ARHGEF7: variants seen among roughly 807,000 people sequenced by gnomAD.
ARHGEF7 encodes Rho guanine nucleotide exchange factor 7, also known as PAK-interacting exchange factor beta.
ARHGEF7 carries 33 observed loss-of-function variants against 109.8 expected under a neutral mutation model. That is an observed-to-expected ratio of 0.30 (90% confidence interval 0.23 to 0.40). ARHGEF7 has a LOEUF of 0.40. Among genes scored for constraint, ARHGEF7 ranks in the 10% least tolerant of loss-of-function variants. The probability of loss-of-function intolerance (pLI) is 1.00; values close to 1 mark genes in which losing one functional copy is unlikely to be tolerated. For missense variants in ARHGEF7, 938 were observed against 1,098.5 expected (o/e 0.85, Z 2.07); for synonymous variants, 458 against 424.6 (o/e 1.08, Z -0.97).
In ARHGEF7 at chr13:111,244,787, C is replaced by T. The variant is rs534912273; in HGVS notation, c.950+493C>T. ...TTGGATTGTGAATTTTAAATCATAA[C>T]TAGGCTCAGACACATCTTTATTAAT... is the stretch of plus-strand genomic sequence containing the variant. On this transcript the variant is annotated intron_variant, in intron 8 of 21. Coordinates refer to ENST00000646102, the MANE Select transcript of ARHGEF7 (RefSeq NM_001354046.2). Among the ~76,000 whole-genome samples the T allele has an allele frequency of 4.6e-5, 7 of 152,318 alleles. No individual in the cohort carries two copies. The South Asian group carries it at 1.4e-3, about 32-fold the overall frequency.
chr13:111,198,124 C>T (rs905998210), intron 2 of ARHGEF7, among the ~76,000 whole-genome samples: 1 of 152,110 alleles, frequency 6.6e-6, no homozygotes, highest in Admixed American at 6.5e-5. Flanking sequence ...CCGCTCCCAA[C>T]TCTGAAGAGT....
At chr13:111,176,645 C>T (rs2078192018) in intron 2 of ARHGEF7, among the ~76,000 whole-genome samples, 2 of 152,232 alleles carry the variant, frequency 1.3e-5, no homozygotes, top group South Asian at 2.1e-4. Context: ...GAGTGGGACC[C>T]CCGCGTGCGG....
chr13:111,159,258 C>T (rs2153388774), intron 2 of ARHGEF7, among the ~76,000 whole-genome samples: 1 of 152,102 alleles, frequency 6.6e-6, no homozygotes, highest in South Asian at 2.1e-4. Context: ...GTGTATATAT[C>T]CCACATTTTC....
At position 111,253,667 on chromosome 13, in the gene ARHGEF7, T is replaced by C. The variant is rs148033961; in HGVS notation, c.950+9373T>C. On this transcript the variant is annotated intron_variant, in intron 8 of 21. Transcript: ENST00000646102. Reference sequence around the variant, plus strand: ...GCCTGGATCACTGTACCCCAGAGTCTCCACCAAGCCTGGGACTACCACACT... The same window carrying C: ...GCCTGGATCACTGTACCCCAGAGTCCCCACCAAGCCTGGGACTACCACACT... Among the ~76,000 whole-genome samples, 1,091 of 152,286 alleles carry C rather than the reference T, an allele frequency of 7.2e-3. 11 individuals carry two copies. Among genetic ancestry groups the C allele is most frequent in the African/African-American group, 0.025 (1,038 of 41,554 alleles).
chr13:111,289,124 T>C (rs1182127679), intron 18 of ARHGEF7, among the ~76,000 whole-genome samples: 1 of 152,080 alleles, frequency 6.6e-6, no homozygotes, highest in Non-Finnish European at 1.5e-5. Context: ...CTCTGCCTCC[T>C]GGGTTCAAGT....
At chr13:111,172,921 GC>G (rs2077737083) in intron 2 of ARHGEF7, among the ~76,000 whole-genome samples, 1 of 152,164 alleles carries the variant, frequency 6.6e-6, no homozygotes, top group Non-Finnish European at 1.5e-5. Flanking sequence ...GACAGGTTGA[GC>G]ATCTCAAATA....
chr13:111,176,140 G>A (rs2078139735), intron 2 of ARHGEF7, among the ~76,000 whole-genome samples: 1 of 152,184 alleles, frequency 6.6e-6, no homozygotes, highest in Admixed American at 6.5e-5. Flanking sequence ...CAGGTAGTCT[G>A]TCACCAGCAC....
chr13:111,293,786 C>T (rs2093359067), intron 19 of ARHGEF7: 2 of 985,272 alleles, frequency 2.0e-6, no homozygotes, highest in Non-Finnish European at 2.4e-6. Flanking sequence ...CTGCCCACTC[C>T]TTCGCCAAAC....
At chr13:111,245,953 A>G (rs1024459549) in intron 8 of ARHGEF7, among the ~76,000 whole-genome samples, 1 of 152,238 alleles carries the variant, frequency 6.6e-6, no homozygotes, top group African/African-American at 2.4e-5. Flanking sequence ...AGAAACCACA[A>G]ATATGTTTGC....
At chr13:111,294,679 T>C (rs1001243265) in intron 19 of ARHGEF7, 16 of 985,348 alleles carry the variant, frequency 1.6e-5, no homozygotes, top group Non-Finnish European at 1.8e-5. Flanking sequence ...GCAGTGGCGA[T>C]GTGGCATCCA....
Position 111,305,650 on chromosome 13 carries a change from CACAG to C in ARHGEF7, c.*2541_*2544del, listed in dbSNP as rs2093634894. The stretch of plus-strand genomic sequence containing the variant: ...GTGGAGAAACTCCTAATTTAAATGT[CACAG>C]ACAATGTCCTAGTGTTGACTACTAC... On this transcript the variant is annotated 3_prime_UTR_variant, in exon 22 of 22. Coordinates refer to ENST00000646102, the MANE Select transcript of ARHGEF7 (RefSeq NM_001354046.2). 6.6e-6 allele frequency: 1 copy of C among 152,232 alleles called. No homozygotes were observed. The highest frequency in any genetic ancestry group is 1.5e-5 in the Non-Finnish European group (1 of 68,046). The allele number at this position is 152,232 out of a possible 1,614,324, so 9.4% of individuals were successfully genotyped here.
intron 2 of ARHGEF7, among the ~76,000 whole-genome samples, chr13:111,200,477 T>C (rs971234559): frequency 1.1e-4 from 16 of 149,860 alleles, no homozygotes; most frequent in African/African-American, 3.4e-4. Flanking sequence ...GACAATACAC[T>C]GTGTCAGAGG....
At chr13:111,163,721 G>A (rs9588370) in intron 2 of ARHGEF7, among the ~76,000 whole-genome samples, 2,403 of 152,070 alleles carry the variant, frequency 0.016, 54 homozygotes, top group African/African-American at 0.055. Context: ...TTTTTGTAGA[G>A]ATGAGGTTTT....
At position 111,267,535 on chromosome 13, in the gene ARHGEF7, C is replaced by A. The variant is rs117572629; in HGVS notation, c.951-13C>A. ...AACTGATGACTATTTCCCTTTGTGT[C>A]GCATTTCTCCAGGTTGCCCGAAGCT... On this transcript the variant is annotated splice_polypyrimidine_tract_variant and intron_variant, in intron 8 of 21. Transcript: ENST00000646102. 6.2e-7 allele frequency: 1 copy of A among 1,613,378 alleles called. No homozygotes were observed. The highest frequency in any genetic ancestry group is 1.1e-5 in the South Asian group (1 of 91,006).
At chr13:111,166,049 C>T (rs1177971700) in intron 2 of ARHGEF7, among the ~76,000 whole-genome samples, 1 of 152,162 alleles carries the variant, frequency 6.6e-6, no homozygotes, top group Non-Finnish European at 1.5e-5. Context: ...GGTTCATCTT[C>T]CTTTTACTAA....
At chr13:111,219,260 T>C (rs1426878008) in intron 5 of ARHGEF7, among the ~76,000 whole-genome samples, 1 of 152,238 alleles carries the variant, frequency 6.6e-6, no homozygotes, top group East Asian at 1.9e-4. Context: ...GTGCAGTCAT[T>C]TTGTCTTTTG....
At chr13:111,115,291 G>A (rs1173047091), upstream of ARHGEF7, 1 of 151,064 alleles carries the variant, frequency 6.6e-6, no homozygotes, top group African/African-American at 2.4e-5. Context: ...CCGAGGCCGG[G>A]GGGCGGCGGC....
chr13:111,147,852 T>C (rs1223326660), intron 1 of ARHGEF7, among the ~76,000 whole-genome samples: 4 of 151,642 alleles, frequency 2.6e-5, no homozygotes, highest in South Asian at 2.1e-4. Context: ...CGCCCGCCAC[T>C]ACACCCGGCT....
intron 8 of ARHGEF7, among the ~76,000 whole-genome samples, chr13:111,245,674 C>G (rs1430663448): frequency 2.0e-5 from 3 of 152,176 alleles, no homozygotes; most frequent in Non-Finnish European, 4.4e-5. Context: ...CTTGACCCAC[C>G]ACTGCACTGT....
Sources: gnomAD v4.1 joint callset for allele counts (sites outside exome capture counted in the v4.1 genomes callset) on GRCh38, gnomAD v4.1.1 for gene constraint, MANE v1.5 for transcripts, NCBI Gene and HGNC (gene_info 2026-07-23, HGNC 2026-07-21) for gene names.